RBL1: variants seen among roughly 807,000 people sequenced by gnomAD.
RBL1 encodes RB transcriptional corepressor like 1.
A neutral mutation model predicts 123.0 loss-of-function variants in RBL1; 82 were observed. That is an observed-to-expected ratio of 0.67 (90% CI 0.56 to 0.80). RBL1 has a LOEUF of 0.80. Among genes scored for constraint, RBL1 ranks in the 30% least tolerant of loss-of-function variants. The pLI is 0.00. For synonymous variants in RBL1, 405 were observed against 441.3 expected, an observed-to-expected ratio of 0.92 and a Z score of 1.03; for missense variants, 1,171 against 1,299.6, an observed-to-expected ratio of 0.90 and a Z score of 1.52.
intron 16 of RBL1, among the ~76,000 whole-genome samples, chr20:37,025,052 C>T (rs900109707): frequency 4.6e-5 from 7 of 152,066 alleles, no homozygotes; most frequent in African/African-American, 1.7e-4. Context: ...ATCAGTTGCT[C>T]CAAAACCCAC....
intron 20 of RBL1, 77 bp downstream of exon 20, chr20:37,007,334 T>C: frequency 6.7e-7 from 1 of 1,489,958 alleles, no homozygotes; most frequent in East Asian, 2.3e-5. Flanking sequence ...CTTGGACATA[T>C]TTATCTAGCA....
At chr20:37,054,828 TAA>T (rs889000947) in intron 11 of RBL1, among the ~76,000 whole-genome samples, 1 of 144,146 alleles carries the variant, frequency 6.9e-6, no homozygotes, top group Non-Finnish European at 1.5e-5. Context: ...AGACTCAGTC[TAA>T]AAAAAAAAAA....
At chr20:37,054,028 T>TACAC (rs55898438) in intron 11 of RBL1, among the ~76,000 whole-genome samples, 5,140 of 146,892 alleles carry the variant, frequency 0.035, 107 homozygotes, top group South Asian at 0.07. Flanking sequence ...TACAATTTTA[T>TACAC]ACACACACAC....
chr20:37,052,435 G>A (rs1005668647), intron 11 of RBL1, among the ~76,000 whole-genome samples: 7 of 152,000 alleles, frequency 4.6e-5, no homozygotes, highest in Non-Finnish European at 5.9e-5. Flanking sequence ...GGGCTCAAGC[G>A]ATTCTCCTGC....
chr20:37,030,511 C>T (rs895800637), intron 16 of RBL1, among the ~76,000 whole-genome samples: 51 of 151,320 alleles, frequency 3.4e-4, no homozygotes, highest in African/African-American at 1.1e-3. Flanking sequence ...CTTAAGCTCA[C>T]GAGTTGAGAC....
intron 2 of RBL1, among the ~76,000 whole-genome samples, chr20:37,082,204 C>T (rs1200983915): frequency 6.6e-6 from 1 of 152,174 alleles, no homozygotes; most frequent in East Asian, 1.9e-4. Flanking sequence ...AGGTTGGGGC[C>T]AGCCATCCCC....
chr20:37,003,151 T>C (rs1032290138), intron 21 of RBL1, among the ~76,000 whole-genome samples: 2 of 152,172 alleles, frequency 1.3e-5, no homozygotes, highest in Non-Finnish European at 2.9e-5. Flanking sequence ...CCCACTACAA[T>C]TTCTTCCAGT....
chr20:37,057,038 TACCTAC>T (rs2065023388), intron 9 of RBL1, among the ~76,000 whole-genome samples: 8 of 151,866 alleles, frequency 5.3e-5, no homozygotes, highest in Non-Finnish European at 4.4e-5. Context: ...CCTACCTACC[TACCTAC>T]CTACCTATCT....
At chr20:37,013,740 CG>C (rs2074702572) in intron 19 of RBL1, among the ~76,000 whole-genome samples, 1 of 152,116 alleles carries the variant, frequency 6.6e-6, no homozygotes, top group Admixed American at 6.6e-5. Flanking sequence ...TTCTGATCCA[CG>C]GTATTTGCTT....
intron 7 of RBL1, among the ~76,000 whole-genome samples, chr20:37,065,000 C>T (rs1185226046): frequency 2.7e-5 from 4 of 150,622 alleles, no homozygotes; most frequent in African/African-American, 4.9e-5. Context: ...GGTGCAATCA[C>T]GGCTCACTGC....
chr20:37,024,398 T>C (rs189969633), intron 16 of RBL1, among the ~76,000 whole-genome samples: 10 of 152,298 alleles, frequency 6.6e-5, no homozygotes, highest in Admixed American at 4.6e-4. Flanking sequence ...CTAGCTAGAA[T>C]AATTAAAAAT....
intron 2 of RBL1, among the ~76,000 whole-genome samples, chr20:37,068,882 T>C (rs1168409921): frequency 6.6e-6 from 1 of 152,190 alleles, no homozygotes; most frequent in African/African-American, 2.4e-5. Flanking sequence ...CTTTCCACGG[T>C]CTCCCTCTCA....
intron 15 of RBL1, among the ~76,000 whole-genome samples, chr20:37,033,814 A>G (rs976525134): frequency 1.1e-4 from 17 of 150,624 alleles, no homozygotes; most frequent in Non-Finnish European, 1.9e-4. Context: ...ACGGGGTTTC[A>G]CCACGTTGGC....
chr20:37,054,595 T>C (rs2064972863), intron 11 of RBL1, among the ~76,000 whole-genome samples: 1 of 152,050 alleles, frequency 6.6e-6, no homozygotes, highest in Admixed American at 6.6e-5. Flanking sequence ...TTTGTGAGGC[T>C]GAGGTGGGCA....
At chr20:37,032,552 T>A (rs1418422413) in intron 16 of RBL1, 113 bp downstream of exon 16, 66 of 1,487,520 alleles carry the variant, frequency 4.4e-5, no homozygotes, top group Non-Finnish European at 5.6e-5. Flanking sequence ...GTTAAAATGG[T>A]AAATTTTGTG....
At chr20:37,027,603 T>C (rs2146239114) in intron 16 of RBL1, among the ~76,000 whole-genome samples, 1 of 152,330 alleles carries the variant, frequency 6.6e-6, no homozygotes, top group South Asian at 2.1e-4. Flanking sequence ...AAGCTGATGA[T>C]TCAAAATGTG....
rs369629650 is a variant in RBL1, at chr20:37,040,245, T to C, written c.1811A>G (p.Asn604Ser). 11 of 1,614,018 alleles carry C rather than the reference T, an allele frequency of 6.8e-6. No homozygotes were observed. Among genetic ancestry groups the C allele is most frequent in the South Asian group, 1.1e-5 (1 of 91,080 alleles). ...CATCAGGGGAAGATGTCCCTGCACA[T>C]TTCCTCCATTTCCTGTTTCAAAGTT... ...PNNFETGNGG[N>S]VQGHLPLMPM... The change falls in exon 14 of 22, where the codon AAT becomes AGT. Residue 604 changes from asparagine (N) to serine (S), a missense_variant. Asn to Ser is a conservative substitution (Grantham distance 46). Coordinates refer to ENST00000373664, the MANE Select transcript of RBL1 (RefSeq NM_002895.5).
intron 2 of RBL1, among the ~76,000 whole-genome samples, chr20:37,075,086 T>C (rs749630411): frequency 2.0e-5 from 3 of 152,166 alleles, no homozygotes; most frequent in Non-Finnish European, 4.4e-5. Context: ...CTTGACACCA[T>C]TATCCTAAAG....
intron 2 of RBL1, among the ~76,000 whole-genome samples, chr20:37,076,990 G>A (rs2065374118): frequency 6.8e-6 from 1 of 147,646 alleles, no homozygotes; most frequent in African/African-American, 2.5e-5. Flanking sequence ...AGGCTGGAGT[G>A]CAGTGGCACA....
Sources: gnomAD v4.1 joint callset for allele counts (sites outside exome capture counted in the v4.1 genomes callset) on GRCh38, gnomAD v4.1.1 for gene constraint, MANE v1.5 for transcripts, NCBI Gene and HGNC (gene_info 2026-07-23, HGNC 2026-07-21) for gene names.